PRKCE: variants seen among roughly 807,000 people sequenced by gnomAD.
PRKCE encodes the protein protein kinase C epsilon type.
In PRKCE, 16 loss-of-function variants were observed where a neutral mutation model predicts 85.4. The ratio of observed to expected loss-of-function variants is 0.19; its 90% confidence interval spans 0.13 to 0.28. The LOEUF (loss-of-function observed/expected upper bound fraction) is 0.28. Among genes scored for constraint, PRKCE ranks in the 10% least tolerant of loss-of-function variants. The pLI is 1.00. For missense variants in PRKCE, 573 were observed against 975.2 expected (o/e 0.59, Z 5.49); for synonymous variants, 388 against 371.5 (o/e 1.04, Z -0.51).
intron 1 of PRKCE, among the ~76,000 whole-genome samples, chr2:45,795,482 A>AT (rs1411967530): frequency 1.1e-4 from 16 of 151,716 alleles, no homozygotes; most frequent in African/African-American, 2.9e-4. Flanking sequence ...CTAATTTTGT[A>AT]TTTTTTTAGT....
At chr2:45,667,219 G>A (rs1032979373) in intron 1 of PRKCE, among the ~76,000 whole-genome samples, 2 of 152,134 alleles carry the variant, frequency 1.3e-5, no homozygotes, top group African/African-American at 4.8e-5. Context: ...GCTGAGGCAC[G>A]AGAATAGCTT....
rs375714802 is a variant in PRKCE at position 46,008,013 on chromosome 2, T to G, written c.1263+352T>G. On this transcript the variant is annotated intron_variant, in intron 9 of 14. Coordinates refer to ENST00000306156, the MANE Select transcript of PRKCE (RefSeq NM_005400.3). ...AGTGTCAATACATGTCTTCCCTCCTTCAGAGATCAGCTGAAATTCTGTTTT... is the reference window on the plus strand; with the variant it reads ...AGTGTCAATACATGTCTTCCCTCCTGCAGAGATCAGCTGAAATTCTGTTTT... 2.0e-4 allele frequency among the ~76,000 whole-genome samples: 30 copies of G among 152,308 alleles called. No homozygotes were observed. The South Asian group carries it at 2.5e-3, about 13-fold the overall frequency.
chr2:45,942,899 C>T (rs1014873338), intron 2 of PRKCE, among the ~76,000 whole-genome samples: 4 of 152,152 alleles, frequency 2.6e-5, no homozygotes, highest in African/African-American at 9.7e-5. Context: ...TTAACAGTAA[C>T]AGTGCTTTAA....
chr2:45,780,057 C>T (rs939944201), intron 1 of PRKCE, among the ~76,000 whole-genome samples: 2 of 53,106 alleles, frequency 3.8e-5, no homozygotes, highest in East Asian at 2.3e-3. Flanking sequence ...ACATCTGTAT[C>T]GATCTCAAAG....
chr2:46,168,168 G>C (rs530153489), intron 14 of PRKCE, among the ~76,000 whole-genome samples: 4 of 152,216 alleles, frequency 2.6e-5, no homozygotes, highest in Admixed American at 2.6e-4. Flanking sequence ...GGCTGGCCTG[G>C]GCTTTGCTGG....
chr2:45,689,377 A>T (rs1328609126), intron 1 of PRKCE, among the ~76,000 whole-genome samples: 1 of 152,156 alleles, frequency 6.6e-6, no homozygotes, highest in East Asian at 1.9e-4. Flanking sequence ...CTGAATGGCC[A>T]GGGGTCCGGC....
Position 46,114,651 on chromosome 2 carries a change from C to T in PRKCE, c.1592+28289C>T, listed in dbSNP as rs538754164. ...AGCCAGGATGGTCTCGATCTCCTGA[C>T]CTCGTAATCCGCCCGCCTCAGCCTC... On this transcript the variant is annotated intron_variant, in intron 11 of 14. Coordinates refer to ENST00000306156, the MANE Select transcript of PRKCE (RefSeq NM_005400.3). Among the ~76,000 whole-genome samples the T allele has an allele frequency of 1.5e-3, 223 of 151,412 alleles. 2 individuals are homozygous for T. Among genetic ancestry groups the T allele is most frequent in the African/African-American group, 5.4e-3 (221 of 41,176 alleles).
intron 1 of PRKCE, among the ~76,000 whole-genome samples, chr2:45,658,702 T>C (rs377252798): frequency 6.6e-6 from 1 of 152,380 alleles, no homozygotes; most frequent in African/African-American, 2.4e-5. Flanking sequence ...AGCAATTTTA[T>C]TAATATTTGA....
At chr2:45,696,226 G>T (rs192235031) in intron 1 of PRKCE, among the ~76,000 whole-genome samples, 1 of 151,764 alleles carries the variant, frequency 6.6e-6, no homozygotes, top group African/African-American at 2.4e-5. Context: ...AAAGCAATGG[G>T]CCTATAGGTG....
intron 1 of PRKCE, among the ~76,000 whole-genome samples, chr2:45,678,755 A>G (rs534708246): frequency 6.6e-6 from 1 of 152,066 alleles, no homozygotes; most frequent in Non-Finnish European, 1.5e-5. Context: ...TCATAAATAC[A>G]TTACATTTTT....
chr2:45,737,759 C>T (rs1392488381), intron 1 of PRKCE, among the ~76,000 whole-genome samples: 1 of 152,100 alleles, frequency 6.6e-6, no homozygotes, highest in African/African-American at 2.4e-5. Flanking sequence ...TTGTCTTGCC[C>T]GGGGCCCTCC....
intron 1 of PRKCE, among the ~76,000 whole-genome samples, chr2:45,746,088 T>C (rs995220935): frequency 6.6e-6 from 1 of 152,248 alleles, no homozygotes; most frequent in African/African-American, 2.4e-5. Context: ...GTCTCTGCTT[T>C]CCGAGATGTT....
intron 2 of PRKCE, among the ~76,000 whole-genome samples, chr2:45,929,697 C>T (rs1368084519): frequency 1.3e-5 from 2 of 152,144 alleles, no homozygotes; most frequent in Non-Finnish European, 2.9e-5. Context: ...ATACTGTCTT[C>T]TTCCTGTTCC....
At chr2:45,677,851 G>C (rs1219694560) in intron 1 of PRKCE, 2 of 985,330 alleles carry the variant, frequency 2.0e-6, no homozygotes, top group Non-Finnish European at 1.2e-6. Context: ...CGCTTCAGAT[G>C]GGCAGTGAAA....
At chr2:45,723,422 G>T (rs895546021) in intron 1 of PRKCE, among the ~76,000 whole-genome samples, 1 of 152,134 alleles carries the variant, frequency 6.6e-6, no homozygotes, top group African/African-American at 2.4e-5. Flanking sequence ...ACACAGATGT[G>T]CTTCTAGGCT....
intron 1 of PRKCE, among the ~76,000 whole-genome samples, chr2:45,658,161 C>T (rs180858474): frequency 2.0e-5 from 3 of 152,190 alleles, no homozygotes; most frequent in African/African-American, 7.2e-5. Context: ...CCTTCGTGTG[C>T]GCCTATACCC....
In PRKCE at chr2:46,118,200, T is replaced by A. The variant is rs144173524; in HGVS notation, c.1593-26893T>A. Among the ~76,000 whole-genome samples, 393 of 152,352 alleles carry A rather than the reference T, an allele frequency of 2.6e-3. 3 individuals carry two copies. Among genetic ancestry groups the A allele is most frequent in the Middle Eastern group, 0.01 (3 of 294 alleles). ...TCAACTGGAGAGACTCCTTTGAGGTTGTTTAGAATGACGACATCATTGTTT... is the reference window on the plus strand; with the variant it reads ...TCAACTGGAGAGACTCCTTTGAGGTAGTTTAGAATGACGACATCATTGTTT... On this transcript the variant is annotated intron_variant, in intron 11 of 14. Transcript: ENST00000306156.
chr2:45,987,854 T>TA (rs1703463188), intron 6 of PRKCE, among the ~76,000 whole-genome samples: 1 of 152,236 alleles, frequency 6.6e-6, no homozygotes, highest in African/African-American at 2.4e-5. Context: ...CTTGGCCCTG[T>TA]AGACTCCTTA....
At chr2:45,935,182 T>C (rs183238332) in intron 2 of PRKCE, among the ~76,000 whole-genome samples, 19 of 152,348 alleles carry the variant, frequency 1.2e-4, no homozygotes, top group African/African-American at 3.8e-4. Context: ...CCTTCTGTTA[T>C]TGGCAAGTGA....
Sources: gnomAD v4.1 joint callset for allele counts (sites outside exome capture counted in the v4.1 genomes callset) on GRCh38, gnomAD v4.1.1 for gene constraint, MANE v1.5 for transcripts, NCBI Gene and HGNC (gene_info 2026-07-23, HGNC 2026-07-21) for gene names.